The following GARIN5B variants were observed in gnomAD, a reference collection of about 807,000 sequenced individuals.
GARIN5B encodes golgi associated RAB2 interactor family member 5B.
chr19:55,361,378 A>G, the GARIN5B span: 11 of 1,536,026 alleles, frequency 7.2e-6, no homozygotes, highest in Non-Finnish European at 8.8e-6. Flanking sequence ...GGGAGAACCC[A>G]GAGGTCCTGA....
chr19:55,363,124 C>T, the GARIN5B span: 32 of 1,416,542 alleles, frequency 2.3e-5, no homozygotes, highest in Non-Finnish European at 3.0e-5. The surrounding 1 kb of genome is among the most constrained non-coding windows in gnomAD (Gnocchi z 4.0). Flanking sequence ...GTGCAGGCCT[C>T]CCAGCCCCGG....
At chr19:55,360,946 T>C in the GARIN5B span, 1 of 1,545,146 alleles carries the variant, frequency 6.5e-7, no homozygotes, top group Admixed American at 2.0e-5. Flanking sequence ...GCATCTGGGC[T>C]GGGGTCTCCC....
At chr19:55,358,648 G>A in the GARIN5B span, 2 of 1,551,366 alleles carry the variant, frequency 1.3e-6, no homozygotes, top group Non-Finnish European at 1.7e-6. Context: ...GGCCGGGGCG[G>A]GAGGGCACTG....
At chr19:55,359,661 G>A in the GARIN5B span, 1 of 1,551,620 alleles carries the variant, frequency 6.4e-7, no homozygotes. Context: ...AGGCCAGATG[G>A]GGCCTTCTGG....
chr19:55,362,786 G>T, the GARIN5B span: 1 of 1,498,764 alleles, frequency 6.7e-7, no homozygotes, highest in East Asian at 2.5e-5. Context: ...AGCAGCCACA[G>T]CCTGAGCCTC....
the GARIN5B span, chr19:55,360,891 G>A: frequency 1.9e-6 from 3 of 1,543,728 alleles, no homozygotes; most frequent in Non-Finnish European, 2.6e-6. Flanking sequence ...GTCGGGGCGG[G>A]GGTCTGAGTG....
the GARIN5B span, chr19:55,358,385 C>T: frequency 2.7e-6 from 4 of 1,508,330 alleles, no homozygotes; most frequent in South Asian, 2.6e-5. Context: ...GGGCGATGGC[C>T]GTAAGTCCTC....
chr19:55,362,232 G>T, the GARIN5B span: 1 of 1,516,548 alleles, frequency 6.6e-7, no homozygotes, highest in South Asian at 1.3e-5. Context: ...GGTCTGTGGA[G>T]CTGGGATCCC....
chr19:55,357,506 C>G, the GARIN5B span, among the ~76,000 whole-genome samples: 2 of 152,210 alleles, frequency 1.3e-5, no homozygotes, highest in Non-Finnish European at 2.9e-5. Context: ...GCTTTCCCCC[C>G]AGATGTCCTC....
chr19:55,356,197 C>A, the GARIN5B span, among the ~76,000 whole-genome samples: 27 of 151,760 alleles, frequency 1.8e-4, no homozygotes, highest in Non-Finnish European at 3.7e-4. Flanking sequence ...CATGGCGAAA[C>A]CCCATCTCTA....
At chr19:55,359,447 G>T in the GARIN5B span, 2 of 1,546,020 alleles carry the variant, frequency 1.3e-6, no homozygotes, top group Non-Finnish European at 1.7e-6. Flanking sequence ...AGCAGGTATG[G>T]CTGGGGCCTT....
chr19:55,358,447 C>G, the GARIN5B span: 1 of 1,521,016 alleles, frequency 6.6e-7, no homozygotes. Context: ...CTTCCCTCTT[C>G]AGACTGGCAG....
At chr19:55,362,718 C>G in the GARIN5B span, 667 of 1,534,960 alleles carry the variant, frequency 4.3e-4, no homozygotes, top group Non-Finnish European at 5.6e-4. Context: ...ACACTGGGCC[C>G]CCTTGATGGG....
chr19:55,362,191 GC>G, the GARIN5B span: 1 of 1,462,862 alleles, frequency 6.8e-7, no homozygotes. Context: ...TCTGGATCTG[GC>G]CGGAGGGTTC....
At chr19:55,359,542 G>A in the GARIN5B span, 1 of 1,551,464 alleles carries the variant, frequency 6.4e-7, no homozygotes, top group Non-Finnish European at 8.7e-7. Flanking sequence ...ACGCAGCTGG[G>A]GCCTTCTGGG....
the GARIN5B span, chr19:55,363,257 G>GTCTGGGGGAGGAGCC: frequency 4.0e-6 from 2 of 506,286 alleles, no homozygotes; most frequent in African/African-American, 4.0e-5. The surrounding 1 kb of genome is among the most constrained non-coding windows in gnomAD (Gnocchi z 4.0). Flanking sequence ...GACAGCAGGG[G>GTCTGGGGGAGGAGCC]TCTGGGGGAG....
At chr19:55,359,655 C>T in the GARIN5B span, 1 of 1,550,854 alleles carries the variant, frequency 6.4e-7, no homozygotes, top group Non-Finnish European at 8.7e-7. Flanking sequence ...GTGACAAGGC[C>T]AGATGGGGCC....
At chr19:55,356,076 G>A in the GARIN5B span, among the ~76,000 whole-genome samples, 2 of 151,870 alleles carry the variant, frequency 1.3e-5, no homozygotes, top group South Asian at 2.1e-4. Flanking sequence ...CATGAGCCAC[G>A]ATCACACCGC....
the GARIN5B span, chr19:55,355,324 G>T: frequency 1.9e-6 from 3 of 1,549,994 alleles, no homozygotes; most frequent in Non-Finnish European, 2.6e-6. Context: ...CCGGCCACTC[G>T]GAGTGCTGGG....
Sources: gnomAD v4.1 joint callset for allele counts (sites outside exome capture counted in the v4.1 genomes callset) on GRCh38, gnomAD v4.1.1 for gene constraint, Gnocchi (gnomAD v3.1) non-coding constraint, MANE v1.5 for transcripts, NCBI Gene and HGNC (gene_info 2026-07-23, HGNC 2026-07-21) for gene names.